JHY: variants seen among roughly 807,000 people sequenced by gnomAD.
JHY encodes junctional cadherin complex regulator.
Under a neutral mutation model 78.0 loss-of-function variants are expected in JHY, and 69 were observed. The ratio of observed to expected loss-of-function variants is 0.88; its 90% CI spans 0.73 to 1.08. The LOEUF (loss-of-function observed/expected upper bound fraction) is 1.08. Ranked by LOEUF, JHY falls within the 50% of genes least tolerant of loss-of-function variation. The probability of loss-of-function intolerance (pLI) is 0.00; values close to 1 mark genes in which losing one functional copy is unlikely to be tolerated. For missense variants in JHY, 944 were observed against 927.8 expected (o/e 1.02, Z -0.23); for synonymous variants, 368 against 342.6 (o/e 1.07, Z -0.82).
At chr11:122,942,698 A>G (rs560521862) in intron 5 of JHY, among the ~76,000 whole-genome samples, 2 of 152,284 alleles carry the variant, frequency 1.3e-5, no homozygotes, top group African/African-American at 4.8e-5. Context: ...TGCTCAGATT[A>G]CAGGCATGAG....
rs749035738 is a variant in JHY at position 122,904,322 on chromosome 11, C to A, written c.742C>A (p.Arg248=). The A allele has an allele frequency of 3.1e-6, 5 of 1,613,838 alleles. No homozygotes were observed. Among genetic ancestry groups the A allele is most frequent in the Non-Finnish European group, 4.2e-6 (5 of 1,180,024 alleles). Reference sequence around the variant, plus strand: ...CCTGCCGGGATCACGTGGCCCTCGGCGAAGGAAATCCAAACAACATTTTGT... The same window carrying A: ...CCTGCCGGGATCACGTGGCCCTCGGAGAAGGAAATCCAAACAACATTTTGT... ...VFLPGSRGPR[R]RKSKQHFVEK... The change falls in exon 3 of 9, where the codon CGA becomes AGA. Residue 248 remains arginine (R), a synonymous_variant. Coordinates refer to ENST00000227349, the MANE Select transcript of JHY (RefSeq NM_024806.4).
At chr11:122,940,886 C>G (rs1043601773) in intron 5 of JHY, among the ~76,000 whole-genome samples, 2 of 151,652 alleles carry the variant, frequency 1.3e-5, no homozygotes, top group Middle Eastern at 3.4e-3. Flanking sequence ...TCTCTAGTAT[C>G]ATTATGGACT....
intron 2 of JHY, among the ~76,000 whole-genome samples, chr11:122,899,240 A>G (rs1219468528): frequency 6.6e-6 from 1 of 152,230 alleles, no homozygotes; most frequent in Non-Finnish European, 1.5e-5. Flanking sequence ...TGCTGAATCA[A>G]TGAATGAGCA....
chr11:122,937,200 T>C (rs1393625617), intron 5 of JHY, among the ~76,000 whole-genome samples: 1 of 151,986 alleles, frequency 6.6e-6, no homozygotes, highest in East Asian at 1.9e-4. Context: ...TTAATATTAT[T>C]CCACCTTTAT....
At chr11:122,918,505 C>T (rs943877737) in intron 3 of JHY, among the ~76,000 whole-genome samples, 1 of 151,010 alleles carries the variant, frequency 6.6e-6, no homozygotes, top group Non-Finnish European at 1.5e-5. Flanking sequence ...GCACGCCATG[C>T]GAATATTTGG....
chr11:122,934,925 A>G lies in JHY; in HGVS notation c.1484A>G (p.Asn495Ser). The G allele has an allele frequency of 6.2e-7, 1 of 1,614,190 alleles. No individual in the cohort carries two copies. Among genetic ancestry groups the G allele is most frequent in the Non-Finnish European group, 8.5e-7 (1 of 1,180,036 alleles). The change falls in exon 5 of 9, where the codon AAC (asparagine) becomes AGC (serine). Residue 495 changes from asparagine (N) to serine (S), a missense_variant. Asn to Ser is a conservative substitution (Grantham distance 46). Coordinates refer to ENST00000227349, the MANE Select transcript of JHY (RefSeq NM_024806.4). ...ACCCTTTCTGACATGGATTTGAACA[A>G]CCTTAATGAACTTTCTAAGAGACAC... ...LHTLSDMDLN[N>S]LNELSKRHVL... is the part of the protein sequence containing the mutation.
chr11:122,957,679 C>T (rs555284874), intron 8 of JHY, among the ~76,000 whole-genome samples, 188 bp downstream of exon 8: 1 of 150,950 alleles, frequency 6.6e-6, no homozygotes, highest in African/African-American at 2.4e-5. Context: ...GGCACCACAC[C>T]CAGCCCGTTT....
chr11:122,957,449 A>G lies in JHY; in HGVS notation c.2097A>G (p.Gln699=), dbSNP rs1864216008. The change falls in exon 8 of 9, where the codon CAA becomes CAG. Residue 699 remains glutamine, a synonymous_variant. Transcript: ENST00000227349. ...MKTLSILSKP[Q]TEKTQKKSAI... is the part of the protein sequence containing the mutation. The stretch of plus-strand genomic sequence containing the variant: ...CACTATCCATTCTATCAAAACCACA[A>G]ACAGAAAAAACTCAAAAGAAATCTG... 1.9e-6 allele frequency: 3 copies of G among 1,539,762 alleles called. No individual in the cohort carries two copies. In the South Asian group the frequency reaches 3.9e-5, roughly 20 times the overall value.
intron 2 of JHY, among the ~76,000 whole-genome samples, chr11:122,890,042 CG>C (rs1862577125): frequency 7.7e-6 from 1 of 130,562 alleles, no homozygotes; most frequent in Admixed American, 7.7e-5. Context: ...CCACCACTCC[CG>C]GCCCCAGTTT....
intron 2 of JHY, among the ~76,000 whole-genome samples, chr11:122,901,862 G>T (rs1862866700): frequency 6.7e-6 from 1 of 149,390 alleles, no homozygotes; most frequent in South Asian, 2.1e-4. Flanking sequence ...GAAAGAGCGA[G>T]ACTCTGTCTC....
chr11:122,940,949 A>G (rs564140741), intron 5 of JHY, among the ~76,000 whole-genome samples: 8 of 151,922 alleles, frequency 5.3e-5, no homozygotes, highest in African/African-American at 1.7e-4. Flanking sequence ...ATTATACTGT[A>G]TATGTTCTCA....
At chr11:122,906,737 AGTTAATTTACT>A (rs1863002970) in intron 3 of JHY, among the ~76,000 whole-genome samples, 1 of 152,146 alleles carries the variant, frequency 6.6e-6, no homozygotes, top group Non-Finnish European at 1.5e-5. Context: ...AGTAGTTATA[AGTTAATTTACT>A]AAACAATTTT....
chr11:122,906,034 G>A (rs1161547063), intron 3 of JHY: 2 of 151,996 alleles, frequency 1.3e-5, no homozygotes, highest in Admixed American at 1.3e-4. Context: ...TATAGCTGAA[G>A]TATTTAAAAA....
At chr11:122,919,606 T>C (rs991458167) in intron 3 of JHY, among the ~76,000 whole-genome samples, 1 of 152,106 alleles carries the variant, frequency 6.6e-6, no homozygotes, top group Non-Finnish European at 1.5e-5. Flanking sequence ...GGTTTTTAAG[T>C]AGGTGACTGA....
intron 2 of JHY, among the ~76,000 whole-genome samples, chr11:122,890,476 T>C (rs1484209636): frequency 6.6e-6 from 1 of 152,154 alleles, no homozygotes; most frequent in Non-Finnish European, 1.5e-5. Flanking sequence ...TAGTTTTAGT[T>C]ATAGAAATGG....
chr11:122,952,150 G>A (rs984282576), intron 6 of JHY, among the ~76,000 whole-genome samples: 10 of 152,036 alleles, frequency 6.6e-5, no homozygotes, highest in African/African-American at 2.4e-4. Flanking sequence ...GGAGGCGGAG[G>A]GGGCAAAGGG....
At position 122,886,256 on chromosome 11, in the gene JHY, T is replaced by C. The variant is rs533939752; in HGVS notation, c.344+63T>C. 1.0e-5 allele frequency: 15 copies of C among 1,465,416 alleles called. No homozygotes were observed. In the South Asian group the frequency reaches 1.5e-4, roughly 15 times the overall value. 90.8% of individuals were successfully genotyped at this position (1,465,416 alleles called of 1,614,324 possible). ...AAAATGTATCATTAGATAATTACTG[T>C]CGTCATTCCAAATTAGAGTAAGGGC... On this transcript the variant is annotated intron_variant, in intron 2 of 8. Coordinates refer to ENST00000227349, the MANE Select transcript of JHY (RefSeq NM_024806.4).
chr11:122,888,364 A>G (rs536799372), intron 2 of JHY, among the ~76,000 whole-genome samples: 2 of 152,352 alleles, frequency 1.3e-5, no homozygotes, highest in South Asian at 2.1e-4. Flanking sequence ...GACAGTAACA[A>G]TGACATCACT....
intron 6 of JHY, among the ~76,000 whole-genome samples, chr11:122,951,729 T>A (rs766083405): frequency 6.6e-6 from 1 of 152,190 alleles, no homozygotes; most frequent in Non-Finnish European, 1.5e-5. Context: ...GAACTGTGGT[T>A]AATTCCTGGT....
Sources: gnomAD v4.1 joint callset for allele counts (sites outside exome capture counted in the v4.1 genomes callset) on GRCh38, gnomAD v4.1.1 for gene constraint, MANE v1.5 for transcripts, NCBI Gene and HGNC (gene_info 2026-07-23, HGNC 2026-07-21) for gene names.